RUFY3: variants seen among roughly 807,000 people sequenced by gnomAD.
RUFY3 encodes the protein protein RUFY3.
A neutral mutation model predicts 84.0 loss-of-function variants in RUFY3; 34 were observed. The ratio of observed to expected loss-of-function variants is 0.40; its 90% CI spans 0.31 to 0.54. The LOEUF is 0.54. RUFY3 is among the 20% of genes least tolerant of loss of function. RUFY3 has a pLI of 0.39. For synonymous variants in RUFY3, 242 were observed against 252.9 expected (o/e 0.96, Z 0.41); for missense variants, 507 against 736.8 (o/e 0.69, Z 3.61).
At chr4:70,781,341 G>A (rs953780973) in intron 8 of RUFY3, among the ~76,000 whole-genome samples, 1 of 152,092 alleles carries the variant, frequency 6.6e-6, no homozygotes. Context: ...TTAGCCGGCT[G>A]TTGTGGTGCA....
chr4:70,759,162 A>C (rs976807959), intron 1 of RUFY3, among the ~76,000 whole-genome samples: 4 of 152,030 alleles, frequency 2.6e-5, no homozygotes, highest in Non-Finnish European at 5.9e-5. Context: ...CCCCTCCTCC[A>C]TACTCTTTTC....
intron 13 of RUFY3, among the ~76,000 whole-genome samples, chr4:70,794,452 G>A (rs1731259508): frequency 6.6e-6 from 1 of 152,084 alleles, no homozygotes; most frequent in Non-Finnish European, 1.5e-5. Flanking sequence ...ATAGTGGTGG[G>A]TGCCAGTAAT....
chr4:70,751,284 T>C (rs190492914), intron 1 of RUFY3, among the ~76,000 whole-genome samples: 157 of 152,330 alleles, frequency 1.0e-3, no homozygotes, highest in African/African-American at 3.6e-3. Flanking sequence ...CATGTTTTCA[T>C]ATTGAAAATG....
intron 9 of RUFY3, among the ~76,000 whole-genome samples, chr4:70,783,706 A>C (rs904301104): frequency 2.0e-5 from 3 of 152,108 alleles, no homozygotes; most frequent in African/African-American, 7.3e-5. Flanking sequence ...TTAGCCCTTT[A>C]CGATGACTGA....
chr4:70,731,016 T>G (rs1577984571), intron 1 of RUFY3, among the ~76,000 whole-genome samples: 1 of 151,526 alleles, frequency 6.6e-6, no homozygotes, highest in East Asian at 1.9e-4. Flanking sequence ...GCATCCCAGC[T>G]GGGACATGCT....
At chr4:70,802,680 G>C (rs1343007596) in intron 15 of RUFY3, among the ~76,000 whole-genome samples, 1 of 152,114 alleles carries the variant, frequency 6.6e-6, no homozygotes, top group African/African-American at 2.4e-5. Context: ...TATTTTGATA[G>C]CAAAAAGGAA....
At chr4:70,760,900 G>A (rs563246166) in intron 1 of RUFY3, among the ~76,000 whole-genome samples, 5 of 152,178 alleles carry the variant, frequency 3.3e-5, no homozygotes, top group African/African-American at 9.6e-5. Flanking sequence ...TTGCAAATCC[G>A]TAAGTCCTTA....
rs899475523 is a variant in RUFY3 at position 70,804,345 on chromosome 4, T to A, written c.1651-3T>A. The stretch of plus-strand genomic sequence containing the variant: ...AAACTAACCAGCTCCCTGTGTGGTT[T>A]AGGATCAGCTGCTGCTCTCTGAAAA... On this transcript the variant is annotated splice_polypyrimidine_tract_variant and splice_region_variant and intron_variant, in intron 16 of 17. Transcript: ENST00000381006. 1.4e-5 allele frequency: 22 copies of A among 1,613,904 alleles called. No individual in the cohort carries two copies. The highest frequency in any genetic ancestry group is 1.8e-5 in the Non-Finnish European group (21 of 1,179,866).
At chr4:70,734,801 T>C (rs1720018916) in intron 1 of RUFY3, among the ~76,000 whole-genome samples, 1 of 152,248 alleles carries the variant, frequency 6.6e-6, no homozygotes, top group Non-Finnish European at 1.5e-5. Context: ...GTCTCTTTGA[T>C]ACTCTTGCAC....
At chr4:70,778,905 G>A (rs956677220) in intron 8 of RUFY3, among the ~76,000 whole-genome samples, 1 of 152,024 alleles carries the variant, frequency 6.6e-6, no homozygotes, top group African/African-American at 2.4e-5. Flanking sequence ...TGACTAGAAC[G>A]GCCCAGTTGG....
intron 1 of RUFY3, among the ~76,000 whole-genome samples, chr4:70,748,171 T>A (rs1402448267): frequency 2.0e-5 from 3 of 152,318 alleles, no homozygotes; most frequent in Admixed American, 2.0e-4. Context: ...GATTCTCTGC[T>A]CAAAACTACA....
intron 1 of RUFY3, among the ~76,000 whole-genome samples, chr4:70,706,811 A>G (rs1740386343): frequency 6.6e-6 from 1 of 152,222 alleles, no homozygotes; most frequent in African/African-American, 2.4e-5. Flanking sequence ...GTCTTCCTAT[A>G]CAGAGGAGGC....
At chr4:70,739,151 C>T (rs1720903252) in intron 1 of RUFY3, among the ~76,000 whole-genome samples, 1 of 149,606 alleles carries the variant, frequency 6.7e-6, no homozygotes, top group Non-Finnish European at 1.5e-5. Flanking sequence ...TTTATTAGAA[C>T]AAAACCTCAA....
intron 10 of RUFY3, among the ~76,000 whole-genome samples, chr4:70,785,271 C>T (rs895824073): frequency 6.6e-6 from 1 of 151,740 alleles, no homozygotes; most frequent in African/African-American, 2.4e-5. Flanking sequence ...TTATTTTTAG[C>T]TGTTATTTCT....
intron 10 of RUFY3, among the ~76,000 whole-genome samples, chr4:70,786,822 G>A (rs1269486631): frequency 6.6e-6 from 1 of 151,798 alleles, no homozygotes; most frequent in Admixed American, 6.6e-5. Flanking sequence ...CAAACACAAG[G>A]ACCTCCCCAG....
At chr4:70,788,708 G>C in intron 10 of RUFY3, 98 bp from the exon 11 acceptor site, 1 of 1,384,810 alleles carries the variant, frequency 7.2e-7, no homozygotes, top group African/African-American at 1.4e-5. Flanking sequence ...AGAATATTCA[G>C]ACCTGAGAGT....
intron 10 of RUFY3, among the ~76,000 whole-genome samples, chr4:70,786,633 AT>A (rs1442823716): frequency 6.6e-6 from 1 of 152,150 alleles, no homozygotes; most frequent in African/African-American, 2.4e-5. Flanking sequence ...CAATTTTTAT[AT>A]TATCAAAACA....
intron 15 of RUFY3, among the ~76,000 whole-genome samples, chr4:70,800,610 G>A (rs978688019): frequency 1.3e-5 from 2 of 152,194 alleles, no homozygotes; most frequent in Non-Finnish European, 2.9e-5. Flanking sequence ...GTGGCTGGGC[G>A]CAGTGGCTCA....
chr4:70,804,656 G>A (rs758903289), intron 17 of RUFY3, among the ~76,000 whole-genome samples: 54 of 151,220 alleles, frequency 3.6e-4, no homozygotes, highest in South Asian at 2.1e-4. Flanking sequence ...GGTGACTCAC[G>A]CCTGTAATCC....
Sources: allele counts gnomAD v4.1 joint callset (sites outside exome capture counted in the v4.1 genomes callset), GRCh38; gene constraint gnomAD v4.1.1; transcripts MANE v1.5; gene names NCBI Gene and HGNC (gene_info 2026-07-23, HGNC 2026-07-21).